Variants in PITPNM3 observed in about 807,000 individuals in gnomAD.
PITPNM3 encodes the protein membrane-associated phosphatidylinositol transfer protein 3.
PITPNM3 carries 26 observed loss-of-function variants against 102.0 expected under a neutral mutation model. The ratio of observed to expected loss-of-function variants is 0.25; its 90% CI spans 0.19 to 0.35. PITPNM3 has a LOEUF of 0.35. Ranked by LOEUF, PITPNM3 falls within the 10% of genes least tolerant of loss-of-function variation. The probability of loss-of-function intolerance (pLI) is 1.00; values close to 1 mark genes in which losing one functional copy is unlikely to be tolerated. For synonymous variants in PITPNM3, 578 were observed against 558.6 expected (o/e 1.03, Z -0.49); for missense variants, 1,083 against 1,346.1 (o/e 0.80, Z 3.06).
At chr17:6,547,011 A>G (rs573552589) in intron 1 of PITPNM3, among the ~76,000 whole-genome samples, 2 of 152,258 alleles carry the variant, frequency 1.3e-5, no homozygotes, top group African/African-American at 4.8e-5. Flanking sequence ...CGTCTCAAAA[A>G]AAAAAAAGAA....
At position 6,455,479 on chromosome 17, in the gene PITPNM3, T is replaced by C. The variant is rs1297941959; in HGVS notation, c.2784A>G (p.Ser928=). Residue 928 remains serine, a synonymous_variant, in exon 20 of 20, where the codon TCA becomes TCG. Coordinates refer to ENST00000262483, the MANE Select transcript of PITPNM3 (RefSeq NM_031220.4). The part of the protein sequence containing the change: ...RKRNHLRRTM[S]VQQPDPPAAN... ...CGGCGGGCGGGTCGGGCTGCTGCAC[T>C]GACATGGTTCTGCGCAGGTGGTTGC... 3.1e-6 allele frequency: 5 copies of C among 1,605,758 alleles called. No individual in the cohort carries two copies. The highest frequency in any genetic ancestry group is 1.1e-5 in the South Asian group (1 of 91,060).
At chr17:6,544,693 C>T (rs1909925907) in intron 1 of PITPNM3, among the ~76,000 whole-genome samples, 1 of 150,948 alleles carries the variant, frequency 6.6e-6, no homozygotes, top group South Asian at 2.1e-4. Context: ...CACACATACA[C>T]ATACACGAGA....
chr17:6,513,070 C>T (rs1447286587), intron 3 of PITPNM3, among the ~76,000 whole-genome samples: 1 of 129,842 alleles, frequency 7.7e-6, no homozygotes, highest in Non-Finnish European at 1.7e-5. Flanking sequence ...TACATGTCTG[C>T]AAAAAAAAAA....
At chr17:6,541,113 C>A (rs1170525441) in intron 1 of PITPNM3, among the ~76,000 whole-genome samples, 1 of 152,162 alleles carries the variant, frequency 6.6e-6, no homozygotes, top group African/African-American at 2.4e-5. Context: ...GGGAACTCTT[C>A]CCTGCATCTC....
intron 1 of PITPNM3, among the ~76,000 whole-genome samples, chr17:6,541,087 T>C (rs2150668984): frequency 6.6e-6 from 1 of 152,272 alleles, no homozygotes; most frequent in South Asian, 2.1e-4. Flanking sequence ...AAAACAGATA[T>C]GTTAAGATGG....
At chr17:6,463,208 C>T (rs1322667262) in intron 17 of PITPNM3, among the ~76,000 whole-genome samples, 5 of 152,104 alleles carry the variant, frequency 3.3e-5, no homozygotes, top group Non-Finnish European at 7.4e-5. Context: ...CAGTCTCCAG[C>T]CCCCAGGAAC....
chr17:6,511,923 C>T (rs1907887624), intron 3 of PITPNM3, among the ~76,000 whole-genome samples: 1 of 152,112 alleles, frequency 6.6e-6, no homozygotes, highest in Admixed American at 6.5e-5. Flanking sequence ...CCAGCCTGGG[C>T]GACAGAGCGA....
At chr17:6,534,732 G>C (rs965699237) in intron 2 of PITPNM3, among the ~76,000 whole-genome samples, 2 of 152,160 alleles carry the variant, frequency 1.3e-5, no homozygotes, top group Non-Finnish European at 2.9e-5. Flanking sequence ...GTTTCTTCCA[G>C]TGTAGACGCC....
chr17:6,464,627 TGAG>T (rs746721631), intron 15 of PITPNM3, 25 bp downstream of exon 15: 1 of 1,593,258 alleles, frequency 6.3e-7, no homozygotes, highest in South Asian at 1.1e-5. Context: ...GTGGAGTGGC[TGAG>T]GAGGGGAGGC....
chr17:6,537,908 G>A lies in PITPNM3; in HGVS notation c.118+79C>T, dbSNP rs187908055. On this transcript the variant is annotated intron_variant, in intron 2 of 19. Transcript: ENST00000262483. This position sits in a 1 kb window ranked among gnomAD's most constrained non-coding sequence, Gnocchi z 4.4. ...ACCACGTCTGAGTGGGGAGGGATGC[G>A]GACCCCCAAATGGGATCTTCTTCTT... is the stretch of plus-strand genomic sequence containing the variant. The A allele has an allele frequency of 1.5e-4, 180 of 1,204,666 alleles. 1 individual carries two copies. The highest frequency in any genetic ancestry group is 8.9e-4 in the African/African-American group (59 of 66,642). 74.6% of individuals were successfully genotyped at this position (1,204,666 alleles called of 1,614,324 possible).
intron 2 of PITPNM3, among the ~76,000 whole-genome samples, chr17:6,525,935 G>A (rs368347145): frequency 2.6e-5 from 4 of 152,328 alleles, no homozygotes; most frequent in East Asian, 1.9e-4. Flanking sequence ...CAGAGGAGGT[G>A]CTCATAGATG....
intron 3 of PITPNM3, among the ~76,000 whole-genome samples, chr17:6,520,546 G>A (rs759083327): frequency 6.6e-6 from 1 of 152,156 alleles, no homozygotes; most frequent in East Asian, 1.9e-4. Context: ...TAATACCATC[G>A]ACCTCTAGAG....
intron 3 of PITPNM3, among the ~76,000 whole-genome samples, chr17:6,509,457 G>A (rs1907738324): frequency 6.6e-6 from 1 of 152,224 alleles, no homozygotes; most frequent in East Asian, 1.9e-4. Flanking sequence ...ACCAGAAAGT[G>A]TCAGGAACAG....
rs147798102 is a variant in PITPNM3 at position 6,479,009 on chromosome 17, G to T, written c.588-273C>A. On this transcript the variant is annotated intron_variant, in intron 6 of 19. Coordinates refer to ENST00000262483, the MANE Select transcript of PITPNM3 (RefSeq NM_031220.4). Reference sequence around the variant, plus strand: ...GGTCCCTGTGACTGCAGTCTCTATTGCCCTCTTCTGCATGGCCCCAAAGGG... The same window carrying T: ...GGTCCCTGTGACTGCAGTCTCTATTTCCCTCTTCTGCATGGCCCCAAAGGG... The T allele has an allele frequency of 2.3e-3, 1,165 of 503,646 alleles. 11 individuals are homozygous for T. The highest frequency in any genetic ancestry group is 0.021 in the African/African-American group (1,074 of 52,388). 31.2% of individuals were successfully genotyped at this position (503,646 alleles called of 1,614,324 possible).
intron 1 of PITPNM3, among the ~76,000 whole-genome samples, chr17:6,542,178 G>A (rs1204626073): frequency 6.6e-6 from 1 of 152,216 alleles, no homozygotes; most frequent in African/African-American, 2.4e-5. Flanking sequence ...TAGCCCTGGG[G>A]GGCTCAGCTG....
rs1241081776 is a variant in PITPNM3, at chr17:6,451,433, G to T, written c.*3905C>A. 1 of 152,194 alleles carries T rather than the reference G, an allele frequency of 6.6e-6. No homozygotes were observed. Among genetic ancestry groups the T allele is most frequent in the Admixed American group, 6.5e-5 (1 of 15,278 alleles). The allele number at this position is 152,194 out of a possible 1,614,324, so 9.4% of individuals were successfully genotyped here. ...TTTCTAACGGATTTTGTACAAGGCA[G>T]CCATAAGGAATATAATAAACCTTTT... On this transcript the variant is annotated 3_prime_UTR_variant, in exon 20 of 20. Coordinates refer to ENST00000262483, the MANE Select transcript of PITPNM3 (RefSeq NM_031220.4).
intron 14 of PITPNM3, among the ~76,000 whole-genome samples, chr17:6,466,373 G>T (rs1258194091): frequency 6.6e-6 from 1 of 152,184 alleles, no homozygotes; most frequent in Non-Finnish European, 1.5e-5. Context: ...GGGTCCCTGA[G>T]ATAAACTAGT....
intron 14 of PITPNM3, among the ~76,000 whole-genome samples, chr17:6,465,997 C>T (rs996888088): frequency 6.6e-6 from 1 of 152,232 alleles, no homozygotes; most frequent in Non-Finnish European, 1.5e-5. Flanking sequence ...CCCTCCCGGG[C>T]TCCCCACTGC....
intron 4 of PITPNM3, among the ~76,000 whole-genome samples, chr17:6,490,235 G>C (rs1197214489): frequency 2.6e-5 from 4 of 152,086 alleles, no homozygotes; most frequent in Admixed American, 2.6e-4. Flanking sequence ...GCAGAAAGAA[G>C]GGGACACACA....
Sources: allele counts gnomAD v4.1 joint callset (sites outside exome capture counted in the v4.1 genomes callset), GRCh38; gene constraint gnomAD v4.1.1; non-coding constraint Gnocchi (gnomAD v3.1); transcripts MANE v1.5; gene names NCBI Gene and HGNC (gene_info 2026-07-23, HGNC 2026-07-21).